The following KCND2 variants were observed in gnomAD, a reference collection of about 807,000 sequenced individuals.
The protein encoded by KCND2 is potassium voltage-gated channel subfamily D member 2, also known as A-type voltage-gated potassium channel KCND2.
A neutral mutation model predicts 54.4 loss-of-function variants in KCND2; 16 were observed. That is an observed-to-expected ratio of 0.29 (90% CI 0.20 to 0.45). The LOEUF is 0.45. Ranked by LOEUF, KCND2 falls within the 20% of genes least tolerant of loss-of-function variation. The pLI, the probability that KCND2 is intolerant of heterozygous loss-of-function variation, is 1.00. For missense variants in KCND2, 486 were observed against 824.2 expected (o/e 0.59, Z 5.02); for synonymous variants, 317 against 310.7 (o/e 1.02, Z -0.21).
chr7:120,532,448 G>A (rs1394552229), intron 1 of KCND2, among the ~76,000 whole-genome samples: 1 of 151,660 alleles, frequency 6.6e-6, no homozygotes. Context: ...CATGAAAGTT[G>A]TTATAATACC....
intron 1 of KCND2, among the ~76,000 whole-genome samples, chr7:120,665,071 A>C (rs1791908695): frequency 6.6e-6 from 1 of 151,978 alleles, no homozygotes; most frequent in African/African-American, 2.4e-5. Flanking sequence ...AGGGACCCAA[A>C]ATGCTGATTA....
intron 1 of KCND2, among the ~76,000 whole-genome samples, chr7:120,352,185 C>A (rs892963309): frequency 6.6e-6 from 1 of 152,122 alleles, no homozygotes; most frequent in Non-Finnish European, 1.5e-5. Context: ...ATCAACCCAC[C>A]TCAGCCTCCC....
chr7:120,488,766 GA>G (rs1332382788), intron 1 of KCND2, among the ~76,000 whole-genome samples: 1 of 151,410 alleles, frequency 6.6e-6, no homozygotes, highest in Non-Finnish European at 1.5e-5. Context: ...TTATTTGAAA[GA>G]AAAAATTTAA....
chr7:120,646,083 ATAAAC>A (rs1200621505), intron 1 of KCND2, among the ~76,000 whole-genome samples: 1 of 152,240 alleles, frequency 6.6e-6, no homozygotes, highest in African/African-American at 2.4e-5. Flanking sequence ...GCCCTAGGAA[ATAAAC>A]TAAAGTCTGC....
At chr7:120,441,821 ACT>A (rs1265500543) in intron 1 of KCND2, among the ~76,000 whole-genome samples, 3 of 152,036 alleles carry the variant, frequency 2.0e-5, no homozygotes, top group African/African-American at 7.2e-5. Flanking sequence ...GTTATGCCAC[ACT>A]CTGCCCATGG....
chr7:120,303,546 C>G (rs1799613237), intron 1 of KCND2, among the ~76,000 whole-genome samples: 2 of 152,114 alleles, frequency 1.3e-5, no homozygotes, highest in African/African-American at 4.8e-5. Flanking sequence ...GTTAGTTTAT[C>G]CTCAATATTC....
rs536706890 is a variant in KCND2, at chr7:120,345,719, T to G, written c.1115+69972T>G. Among the ~76,000 whole-genome samples the G allele has an allele frequency of 7.3e-5, 9 of 122,968 alleles. No homozygotes were observed. In the East Asian group the frequency reaches 2.0e-3, roughly 27 times the overall value. The allele number at this position is 122,968 out of a possible 152,430, so 80.7% of individuals were successfully genotyped here. On this transcript the variant is annotated intron_variant, in intron 1 of 5. Transcript: ENST00000331113. Reference sequence around the variant, plus strand: ...TTTCTTTGAAAGGTTGAATAGTATTTTATACATTTTGTTTATACATTTATC... The same window carrying G: ...TTTCTTTGAAAGGTTGAATAGTATTGTATACATTTTGTTTATACATTTATC...
chr7:120,289,077 C>CACAG (rs1390882800), intron 1 of KCND2, among the ~76,000 whole-genome samples: 5 of 20,880 alleles, frequency 2.4e-4, no homozygotes, highest in African/African-American at 2.4e-4. Flanking sequence ...CACACACACA[C>CACAG]AGAGAGAGAG....
intron 1 of KCND2, among the ~76,000 whole-genome samples, chr7:120,554,879 T>C (rs1041053256): frequency 6.6e-5 from 10 of 152,188 alleles, no homozygotes; most frequent in South Asian, 4.1e-4. Context: ...TTTCCTTCTT[T>C]GCAGTTACCT....
chr7:120,354,700 A>G (rs1361686596), intron 1 of KCND2, among the ~76,000 whole-genome samples: 1 of 152,192 alleles, frequency 6.6e-6, no homozygotes, highest in African/African-American at 2.4e-5. Flanking sequence ...GCAGTGAGCT[A>G]TGATGGCGCC....
intron 1 of KCND2, among the ~76,000 whole-genome samples, chr7:120,415,219 A>G (rs1234729488): frequency 3.9e-5 from 6 of 152,140 alleles, no homozygotes; most frequent in Admixed American, 3.9e-4. Flanking sequence ...TCTATTCTCT[A>G]CAAAACTCCA....
intron 1 of KCND2, among the ~76,000 whole-genome samples, chr7:120,716,398 G>A (rs1214166994): frequency 6.6e-6 from 1 of 151,954 alleles, no homozygotes; most frequent in Non-Finnish European, 1.5e-5. Context: ...CCACACAGAG[G>A]GAGGTTTATA....
chr7:120,713,283 A>G (rs1792563798), intron 1 of KCND2, among the ~76,000 whole-genome samples: 1 of 152,170 alleles, frequency 6.6e-6, no homozygotes, highest in Non-Finnish European at 1.5e-5. Context: ...CTGGATCTGA[A>G]TAGGACACTT....
intron 1 of KCND2, among the ~76,000 whole-genome samples, chr7:120,707,978 A>G (rs1411761470): frequency 6.6e-6 from 1 of 152,092 alleles, no homozygotes; most frequent in Admixed American, 6.6e-5. Flanking sequence ...ATTAAGCAAG[A>G]TGATACAAGA....
intron 1 of KCND2, among the ~76,000 whole-genome samples, chr7:120,648,502 C>T (rs556070806): frequency 5.3e-5 from 8 of 151,980 alleles, no homozygotes; most frequent in African/African-American, 1.9e-4. Context: ...GTACAGTCAA[C>T]AAGATGGAGA....
intron 1 of KCND2, among the ~76,000 whole-genome samples, chr7:120,596,333 C>G (rs1201917090): frequency 6.6e-6 from 1 of 152,140 alleles, no homozygotes; most frequent in Non-Finnish European, 1.5e-5. Flanking sequence ...AGGAATGCAT[C>G]TGCTCCAGAA....
chr7:120,541,016 A>G (rs1207257680), intron 1 of KCND2, among the ~76,000 whole-genome samples: 1 of 152,218 alleles, frequency 6.6e-6, no homozygotes, highest in African/African-American at 2.4e-5. Flanking sequence ...ATGAAAACGT[A>G]GAACAATATC....
chr7:120,353,086 T>G (rs899612708), intron 1 of KCND2, among the ~76,000 whole-genome samples: 1 of 151,610 alleles, frequency 6.6e-6, no homozygotes, highest in Non-Finnish European at 1.5e-5. Context: ...ATACTGTATA[T>G]GAATTTCTGA....
At chr7:120,633,022 T>A (rs1484846710) in intron 1 of KCND2, among the ~76,000 whole-genome samples, 1 of 152,176 alleles carries the variant, frequency 6.6e-6, no homozygotes, top group African/African-American at 2.4e-5. Context: ...AATTCCACAG[T>A]TAACACATTT....
Sources: gnomAD v4.1 joint callset for allele counts (sites outside exome capture counted in the v4.1 genomes callset) on GRCh38, gnomAD v4.1.1 for gene constraint, MANE v1.5 for transcripts, NCBI Gene and HGNC (gene_info 2026-07-23, HGNC 2026-07-21) for gene names.